The following PRKCB variants were observed in gnomAD, a reference collection of about 807,000 sequenced individuals.
PRKCB encodes protein kinase C beta type.
Under a neutral mutation model 81.5 loss-of-function variants are expected in PRKCB, and 13 were observed. The ratio of observed to expected loss-of-function variants is 0.16; its 90% confidence interval spans 0.10 to 0.25. The LOEUF (loss-of-function observed/expected upper bound fraction) is 0.25. Ranked by LOEUF, PRKCB falls within the 10% of genes least tolerant of loss-of-function variation. PRKCB has a pLI of 1.00. For synonymous variants in PRKCB, 335 were observed against 321.4 expected, an observed-to-expected ratio of 1.04 and a Z score of -0.45; for missense variants, 509 against 875.7, an observed-to-expected ratio of 0.58 and a Z score of 5.29.
intron 2 of PRKCB, among the ~76,000 whole-genome samples, chr16:23,846,972 C>T (rs1351042800): frequency 6.6e-6 from 1 of 152,040 alleles, no homozygotes; most frequent in African/African-American, 2.4e-5. Context: ...CCTTCCCCCT[C>T]AGCCCACAAG....
intron 16 of PRKCB, among the ~76,000 whole-genome samples, chr16:24,197,177 C>A (rs1043187927): frequency 1.3e-5 from 2 of 151,902 alleles, no homozygotes; most frequent in Admixed American, 6.6e-5. Context: ...GGAGAGTGGG[C>A]AAAATAATAA....
At chr16:23,939,867 C>T (rs532075341) in intron 2 of PRKCB, among the ~76,000 whole-genome samples, 18 of 152,256 alleles carry the variant, frequency 1.2e-4, no homozygotes, top group African/African-American at 3.6e-4. Flanking sequence ...TTCATCGAAA[C>T]TAAACGCTAT....
chr16:24,112,555 A>G (rs976996262), intron 7 of PRKCB, among the ~76,000 whole-genome samples: 4 of 152,120 alleles, frequency 2.6e-5, no homozygotes, highest in Admixed American at 6.6e-5. Flanking sequence ...AACAACAACA[A>G]TAACAACAAC....
chr16:23,836,781 G>T (rs1308511282), intron 1 of PRKCB, among the ~76,000 whole-genome samples: 36 of 136,824 alleles, frequency 2.6e-4, no homozygotes, highest in Non-Finnish European at 3.3e-5. Flanking sequence ...GGGGGGCGGC[G>T]CCCTGGGTGT....
chr16:23,957,630 T>C (rs1964367835), intron 2 of PRKCB, among the ~76,000 whole-genome samples: 1 of 152,100 alleles, frequency 6.6e-6, no homozygotes, highest in Non-Finnish European at 1.5e-5. Flanking sequence ...TTCCTGGAGA[T>C]TTTTAGCCAA....
At chr16:24,149,262 G>A (rs1166142748) in intron 9 of PRKCB, among the ~76,000 whole-genome samples, 1 of 152,192 alleles carries the variant, frequency 6.6e-6, no homozygotes, top group East Asian at 1.9e-4. Context: ...CAGAGACTCT[G>A]GCTCTGATTG....
chr16:24,060,669 G>A (rs1398195667), intron 5 of PRKCB, among the ~76,000 whole-genome samples: 1 of 152,204 alleles, frequency 6.6e-6, no homozygotes, highest in African/African-American at 2.4e-5. Flanking sequence ...TCCAGGGGCA[G>A]CTCACAGTCT....
At chr16:24,004,632 G>A (rs2141833176) in intron 3 of PRKCB, among the ~76,000 whole-genome samples, 1 of 152,284 alleles carries the variant, frequency 6.6e-6, no homozygotes. Flanking sequence ...TCCAGCCTGG[G>A]CAACAGAGTG....
intron 5 of PRKCB, among the ~76,000 whole-genome samples, chr16:24,089,611 AT>A (rs1019459083): frequency 1.3e-5 from 2 of 152,040 alleles, no homozygotes; most frequent in African/African-American, 4.8e-5. Context: ...CTCTACAAAA[AT>A]TTTTTTAAAA....
intron 12 of PRKCB, 136 bp downstream of exon 12, chr16:24,174,716 T>C (rs538065334): frequency 1.2e-6 from 1 of 823,582 alleles, no homozygotes; most frequent in Admixed American, 2.6e-5. Context: ...GGGCATGTGT[T>C]CTGCCAGGCA....
intron 2 of PRKCB, among the ~76,000 whole-genome samples, chr16:23,979,156 G>C (rs1246788513): frequency 6.6e-6 from 1 of 152,204 alleles, no homozygotes; most frequent in African/African-American, 2.4e-5. Flanking sequence ...TATGAGGAAA[G>C]TACTATCATT....
At chr16:24,037,345 A>G (rs1965636459) in intron 5 of PRKCB, among the ~76,000 whole-genome samples, 1 of 152,208 alleles carries the variant, frequency 6.6e-6, no homozygotes, top group Non-Finnish European at 1.5e-5. Flanking sequence ...GTTATATTCC[A>G]AGAGCTCACA....
chr16:23,993,437 A>G (rs758462504), intron 3 of PRKCB, among the ~76,000 whole-genome samples: 2 of 152,192 alleles, frequency 1.3e-5, no homozygotes, highest in African/African-American at 2.4e-5. Flanking sequence ...GGTTTAATGT[A>G]GAGGAAAGGA....
At chr16:24,096,947 G>A (rs1458286039) in intron 7 of PRKCB, among the ~76,000 whole-genome samples, 3 of 150,728 alleles carry the variant, frequency 2.0e-5, no homozygotes, top group Non-Finnish European at 4.4e-5. Flanking sequence ...AGAAAGAGAT[G>A]TGTCCTTTGG....
chr16:24,021,088 T>TTTCTTTCTTTCTC lies in PRKCB; in HGVS notation c.289-11046_289-11045insCTTTCTTTCTCTT, dbSNP rs1319448779. 1.5e-4 allele frequency among the ~76,000 whole-genome samples: 20 copies of TTTCTTTCTTTCTC among 130,612 alleles called. 2 individuals are homozygous for TTTCTTTCTTTCTC. Among genetic ancestry groups the TTTCTTTCTTTCTC allele is most frequent in the African/African-American group, 5.7e-4 (19 of 33,242 alleles). The allele number at this position is 130,612 out of a possible 152,430, so 85.7% of individuals were successfully genotyped here. A position where few individuals can be genotyped will look rare whatever the true frequency, so the allele number is the denominator to read the frequency against. On this transcript the variant is annotated intron_variant, in intron 3 of 16. Coordinates refer to ENST00000643927, the MANE Select transcript of PRKCB (RefSeq NM_002738.7). ...CCTCCCTCCCTTCTTTCTTTCTTTC[T>TTTCTTTCTTTCTC]TTTTTTCTTTCTTTCTTTCCTTCTC...
intron 2 of PRKCB, among the ~76,000 whole-genome samples, chr16:23,870,021 G>GAAAAA (rs11406537): frequency 7.0e-6 from 1 of 142,314 alleles, no homozygotes; most frequent in Non-Finnish European, 1.5e-5. Flanking sequence ...GACTCCATCT[G>GAAAAA]AAAAAAAAAA....
chr16:24,089,096 C>T (rs1276274367), intron 5 of PRKCB, among the ~76,000 whole-genome samples: 1 of 152,012 alleles, frequency 6.6e-6, no homozygotes, highest in Non-Finnish European at 1.5e-5. Context: ...TTGGAAGGCT[C>T]AAGAAATGAA....
At chr16:24,117,901 C>T (rs949584541) in intron 8 of PRKCB, among the ~76,000 whole-genome samples, 4 of 152,216 alleles carry the variant, frequency 2.6e-5, no homozygotes, top group South Asian at 2.1e-4. Context: ...GCTCCCCTTC[C>T]GTTGCAGGCT....
Position 24,215,288 on chromosome 16 carries a change from C to A in PRKCB, c.*472C>A. 1 of 986,462 alleles carries A rather than the reference C, an allele frequency of 1.0e-6. No individual in the cohort carries two copies. The highest frequency in any genetic ancestry group is 4.7e-5 in the South Asian group (1 of 21,324). The allele number at this position is 986,462 out of a possible 1,614,324, so 61.1% of individuals were successfully genotyped here. Reference sequence around the variant, plus strand: ...CTCTATTTCACCTGTTCTGGAGGCACCAGACCTTGAAAAGAACATGCTCAA... The same window carrying A: ...CTCTATTTCACCTGTTCTGGAGGCAACAGACCTTGAAAAGAACATGCTCAA... On this transcript the variant is annotated 3_prime_UTR_variant, in exon 17 of 17. Transcript: ENST00000643927.
Sources: allele counts gnomAD v4.1 joint callset (sites outside exome capture counted in the v4.1 genomes callset), GRCh38; gene constraint gnomAD v4.1.1; transcripts MANE v1.5; gene names NCBI Gene and HGNC (gene_info 2026-07-23, HGNC 2026-07-21).